The following FLNB variants were observed in gnomAD, a reference collection of about 807,000 sequenced individuals.
FLNB encodes filamin-B.
Under a neutral mutation model 250.6 loss-of-function variants are expected in FLNB, and 111 were observed. The observed-to-expected ratio is 0.44, with a 90% CI of 0.38 to 0.52. The LOEUF (loss-of-function observed/expected upper bound fraction) is 0.52, where lower values mean the gene tolerates loss of function less well. Among genes scored for constraint, FLNB ranks in the 20% least tolerant of loss-of-function variants. The pLI is 0.00. For synonymous variants in FLNB, 1,302 were observed against 1,372.1 expected (o/e 0.95, Z 1.13); for missense variants, 2,869 against 3,447.8 (o/e 0.83, Z 4.20).
chr3:58,066,694 G>A (rs1184622144), intron 1 of FLNB, among the ~76,000 whole-genome samples: 1 of 152,162 alleles, frequency 6.6e-6, no homozygotes, highest in African/African-American at 2.4e-5. Context: ...TGGATATTAA[G>A]TAATTCTCAA....
At chr3:58,168,418 A>G in intron 43 of FLNB, 22 bp from the exon 44 acceptor site, 4 of 1,593,348 alleles carry the variant, frequency 2.5e-6, no homozygotes, top group Non-Finnish European at 3.4e-6. Context: ...TCAACACAGC[A>G]TTTTCTATTC....
chr3:58,068,588 G>C (rs2097189421), intron 1 of FLNB, among the ~76,000 whole-genome samples: 1 of 151,786 alleles, frequency 6.6e-6, no homozygotes, highest in African/African-American at 2.4e-5. Context: ...CCTTTTGTTT[G>C]GACAGCTGAA....
chr3:58,148,351 C>T lies in FLNB; in HGVS notation c.5874C>T (p.Pro1958=), dbSNP rs1575459478. 6.2e-7 allele frequency: 1 copy of T among 1,613,690 alleles called. No homozygotes were observed. The highest frequency in any genetic ancestry group is 8.5e-7 in the Non-Finnish European group (1 of 1,179,874). ...AGCCCTGTCTCCTGAAGAGGCTGCCCAACAACCACATTGGTGAGCTAGGCT... is the reference window on the plus strand; with the variant it reads ...AGCCCTGTCTCCTGAAGAGGCTGCCTAACAACCACATTGGTGAGCTAGGCT... The part of the protein sequence containing the change: ...RDEPCLLKRL[P]NNHIGISFIP... The change falls in exon 35 of 46, where the codon CCC becomes CCT. Residue 1958 remains proline (P), a synonymous_variant. Transcript: ENST00000295956.
intron 1 of FLNB, among the ~76,000 whole-genome samples, chr3:58,039,639 T>C (rs2106793799): frequency 6.6e-6 from 1 of 152,332 alleles, no homozygotes; most frequent in South Asian, 2.1e-4. Context: ...AGCTTTTTTG[T>C]GCTCTGAAAG....
chr3:58,012,955 G>T (rs1192814247), intron 1 of FLNB, among the ~76,000 whole-genome samples: 1 of 152,188 alleles, frequency 6.6e-6, no homozygotes, highest in African/African-American at 2.4e-5. Context: ...AGACAACCCT[G>T]GCTATTGATT....
rs1005072440 is a variant in FLNB, at chr3:58,170,698, T to C, written c.7745T>C (p.Val2582Ala). The C allele has an allele frequency of 1.2e-6, 2 of 1,614,206 alleles. No homozygotes were observed. Among genetic ancestry groups the C allele is most frequent in the African/African-American group, 2.7e-5 (2 of 75,042 alleles). Residue 2582 changes from valine to alanine, a missense_variant, in exon 46 of 46, where the codon GTG (valine) becomes GCG (alanine). This residue lies in a region of FLNB where 1,084 missense variants were observed against 1,315.5 expected (regional missense o/e 0.82). Transcript: ENST00000295956. Reference sequence around the variant, plus strand: ...GTCGTCAAGGAGAGGGGCGATTATGTGCTGGCTGTGAAGTGGGGGGAGGAA... The same window carrying C: ...GTCGTCAAGGAGAGGGGCGATTATGCGCTGGCTGTGAAGTGGGGGGAGGAA... ...TYVVKERGDY[V>A]LAVKWGEEHI...
At position 58,148,247 on chromosome 3, in the gene FLNB, G is replaced by A. The variant is rs1220784513; in HGVS notation, c.5770G>A (p.Ala1924Thr). 12 of 1,614,192 alleles carry A rather than the reference G, an allele frequency of 7.4e-6. No homozygotes were observed. Among genetic ancestry groups the A allele is most frequent in the Middle Eastern group, 1.6e-4 (1 of 6,062 alleles). Reference sequence around the variant, plus strand: ...CTCCCAGGTGAAGTTGGGCTCAGCCGCTGACTTCCTGCTCGACATCAGTGA... The same window carrying A: ...CTCCCAGGTGAAGTTGGGCTCAGCCACTGACTTCCTGCTCGACATCAGTGA... ...RCSQVKLGSA[A>T]DFLLDISETD... The change falls in exon 35 of 46, where the codon GCT becomes ACT. Residue 1924 changes from alanine (A) to threonine (T), a missense_variant. Physicochemically the swap from Ala to Thr is moderately conservative, Grantham distance 58. Transcript: ENST00000295956.
chr3:58,121,121 T>A, intron 19 of FLNB, 120 bp from the exon 20 acceptor site: 1 of 1,264,212 alleles, frequency 7.9e-7, no homozygotes, highest in African/African-American at 1.5e-5. Context: ...CAGCAGCTGT[T>A]GCTTACAGTG....
intron 18 of FLNB, 119 bp from the exon 19 acceptor site, chr3:58,118,753 A>G (rs2097283245): frequency 1.3e-6 from 1 of 798,566 alleles, no homozygotes; most frequent in African/African-American, 1.7e-5. Flanking sequence ...TACTTTCTAC[A>G]TTGATTGGAA....
intron 38 of FLNB, chr3:58,152,631 T>G: frequency 1.7e-6 from 1 of 580,284 alleles, no homozygotes; most frequent in Non-Finnish European, 2.6e-6. Flanking sequence ...AATATTTGAA[T>G]TTTGGAGGGA....
intron 4 of FLNB, among the ~76,000 whole-genome samples, chr3:58,091,104 TA>T (rs1316356348): frequency 1.3e-5 from 2 of 151,106 alleles, no homozygotes; most frequent in African/African-American, 4.9e-5. Context: ...AGTCAAATAG[TA>T]AAGATACCAC....
chr3:58,114,041 C>T (rs1559702938), intron 18 of FLNB, among the ~76,000 whole-genome samples: 1 of 152,014 alleles, frequency 6.6e-6, no homozygotes, highest in South Asian at 2.1e-4. Flanking sequence ...TGTTGTAGCA[C>T]GTGTCAGAAC....
chr3:58,109,045 C>T, intron 13 of FLNB, 134 bp from the exon 14 acceptor site: 3 of 947,226 alleles, frequency 3.2e-6, no homozygotes, highest in Non-Finnish European at 5.1e-6. Flanking sequence ...GAAAATATGG[C>T]ACATTGTAGT....
chr3:58,075,880 C>T (rs543708002), intron 1 of FLNB, among the ~76,000 whole-genome samples: 2 of 151,688 alleles, frequency 1.3e-5, no homozygotes, highest in South Asian at 2.1e-4. Context: ...TATAGGGAAA[C>T]GGAGAGAGAG....
At chr3:58,163,733 C>T (rs189779724) in intron 43 of FLNB, 110 of 226,908 alleles carry the variant, frequency 4.8e-4, no homozygotes, top group African/African-American at 2.4e-3. Context: ...TGGTACCAGG[C>T]TCCCAGAAAT....
chr3:58,050,295 T>C (rs1472168337), intron 1 of FLNB, among the ~76,000 whole-genome samples: 3 of 152,198 alleles, frequency 2.0e-5, no homozygotes, highest in Non-Finnish European at 4.4e-5. Context: ...CCCAAAGTGC[T>C]GGGATTACAG....
chr3:58,088,237 G>A (rs1259771070), intron 4 of FLNB, among the ~76,000 whole-genome samples: 1 of 150,986 alleles, frequency 6.6e-6, no homozygotes, highest in Non-Finnish European at 1.5e-5. Flanking sequence ...TAGTAGAGAC[G>A]GAGTTTCACC....
intron 28 of FLNB, among the ~76,000 whole-genome samples, chr3:58,136,690 T>TC (rs1559721150): frequency 6.6e-6 from 1 of 151,336 alleles, no homozygotes; most frequent in Non-Finnish European, 1.5e-5. Flanking sequence ...TCTTTTTTTT[T>TC]CCCCTCCTTT....
intron 27 of FLNB, 115 bp from the exon 28 acceptor site, chr3:58,135,864 C>T (rs1316641849): frequency 9.5e-7 from 1 of 1,049,580 alleles, no homozygotes; most frequent in Admixed American, 2.0e-5. Flanking sequence ...TGTATTAAGC[C>T]ATCAATTCTG....
Sources: gnomAD v4.1 joint callset for allele counts (sites outside exome capture counted in the v4.1 genomes callset) on GRCh38, gnomAD v4.1.1 for gene constraint, gnomAD v4.1.1 regional missense constraint, MANE v1.5 for transcripts, NCBI Gene and HGNC (gene_info 2026-07-23, HGNC 2026-07-21) for gene names.